The following ZNF385B variants were observed in gnomAD, a reference collection of about 807,000 sequenced individuals.
ZNF385B encodes the protein zinc finger protein 385B, also known as zinc finger protein 533.
Under a neutral mutation model 39.2 loss-of-function variants are expected in ZNF385B, and 23 were observed. The ratio of observed to expected loss-of-function variants is 0.59; its 90% confidence interval spans 0.42 to 0.83. The LOEUF is 0.83. Ranked by LOEUF, ZNF385B falls within the 40% of genes least tolerant of loss-of-function variation. ZNF385B has a pLI of 0.00. For synonymous variants in ZNF385B, 205 were observed against 222.6 expected (o/e 0.92, Z 0.70); for missense variants, 552 against 598.9 (o/e 0.92, Z 0.82).
Position 179,543,227 on chromosome 2 carries a change from G to A in ZNF385B, c.441+1600C>T, listed in dbSNP as rs546957736. On this transcript the variant is annotated intron_variant, in intron 4 of 9. Transcript: ENST00000410066. ...GTGGAGGCTGCAGTGAGCCAAGATC[G>A]TGCCATTTCACTACAGCCTGGGCGA... 5.3e-5 allele frequency among the ~76,000 whole-genome samples: 8 copies of A among 152,194 alleles called. No individual in the cohort carries two copies. The East Asian group carries it at 9.7e-4, about 18-fold the overall frequency.
chr2:179,820,150 A>AT, intron 1 of ZNF385B, among the ~76,000 whole-genome samples: 1 of 152,074 alleles, frequency 6.6e-6, no homozygotes. Flanking sequence ...AGTGGTAAGA[A>AT]TTTTTTAAAA....
chr2:179,624,981 AG>A (rs1690532519), intron 3 of ZNF385B, among the ~76,000 whole-genome samples: 2 of 152,134 alleles, frequency 1.3e-5, no homozygotes, highest in South Asian at 4.1e-4. Context: ...AAGTGATATT[AG>A]AATAGGCAAA....
At chr2:179,702,502 G>C (rs1369414390) in intron 3 of ZNF385B, among the ~76,000 whole-genome samples, 1 of 152,154 alleles carries the variant, frequency 6.6e-6, no homozygotes, top group Admixed American at 6.5e-5. Flanking sequence ...TGCTAAACAA[G>C]TGCAGTTACA....
intron 3 of ZNF385B, among the ~76,000 whole-genome samples, chr2:179,599,290 C>G (rs1688232446): frequency 6.6e-6 from 1 of 152,088 alleles, no homozygotes; most frequent in African/African-American, 2.4e-5. Context: ...AATCACAGTT[C>G]TATACAACTT....
intron 6 of ZNF385B, among the ~76,000 whole-genome samples, chr2:179,465,405 C>A (rs2051879766): frequency 6.6e-6 from 1 of 152,148 alleles, no homozygotes; most frequent in Admixed American, 6.6e-5. Flanking sequence ...CCCTTTTCCA[C>A]CAATACTCTA....
intron 3 of ZNF385B, among the ~76,000 whole-genome samples, chr2:179,639,963 C>T (rs1054392416): frequency 1.1e-4 from 16 of 152,284 alleles, no homozygotes; most frequent in African/African-American, 3.8e-4. Context: ...ACAGCATTAC[C>T]TGTGCAGATA....
intron 3 of ZNF385B, among the ~76,000 whole-genome samples, chr2:179,567,337 G>T (rs562206999): frequency 7.9e-4 from 121 of 152,248 alleles, no homozygotes; most frequent in Non-Finnish European, 1.2e-3. Context: ...TCTGTGGGGG[G>T]AAAAACAAAC....
chr2:179,445,894 G>GA (rs147542648), intron 7 of ZNF385B, among the ~76,000 whole-genome samples, 166 bp from the exon 8 acceptor site: 5,022 of 152,050 alleles, frequency 0.033, 112 homozygotes, highest in Middle Eastern at 0.068. Context: ...GTAAAAAATG[G>GA]AAAAATGTAA....
chr2:179,814,496 G>A (rs1400985066), intron 1 of ZNF385B: 1 of 640,968 alleles, frequency 1.6e-6, no homozygotes, highest in African/African-American at 1.9e-5. Flanking sequence ...GCACTATCAT[G>A]TTTTTCTTCA....
At chr2:179,697,320 T>C (rs1251237523) in intron 3 of ZNF385B, among the ~76,000 whole-genome samples, 2 of 152,162 alleles carry the variant, frequency 1.3e-5, no homozygotes, top group Non-Finnish European at 2.9e-5. Context: ...GCGGGCTGTC[T>C]CCCCACTGCT....
At chr2:179,699,800 G>A (rs1699041810) in intron 3 of ZNF385B, among the ~76,000 whole-genome samples, 1 of 152,218 alleles carries the variant, frequency 6.6e-6, no homozygotes, top group African/African-American at 2.4e-5. Context: ...TTTGTGAGTA[G>A]ATGAATACCA....
At chr2:179,466,961 A>T (rs2203737) in intron 6 of ZNF385B, among the ~76,000 whole-genome samples, 36,474 of 135,712 alleles carry the variant, frequency 0.27, 5,036 homozygotes, top group East Asian at 0.47. Context: ...GAGAAAGGGA[A>T]GGGAAGGGAA....
At chr2:179,448,621 C>G (rs2105561146) in intron 6 of ZNF385B, among the ~76,000 whole-genome samples, 1 of 152,170 alleles carries the variant, frequency 6.6e-6, no homozygotes, top group Middle Eastern at 3.4e-3. Flanking sequence ...TCACAGAAAA[C>G]TTGTGAAATA....
At chr2:179,546,174 T>C (rs2060218595) in intron 3 of ZNF385B, among the ~76,000 whole-genome samples, 1 of 152,132 alleles carries the variant, frequency 6.6e-6, no homozygotes, top group African/African-American at 2.4e-5. Flanking sequence ...TAGCTGGGAC[T>C]ACAGGTACAT....
intron 1 of ZNF385B, among the ~76,000 whole-genome samples, chr2:179,825,416 G>T (rs1478737782): frequency 6.6e-6 from 1 of 152,092 alleles, no homozygotes; most frequent in Admixed American, 6.5e-5. Context: ...AATACTTGGT[G>T]GTTTTGAGCA....
At chr2:179,620,087 C>G (rs1377264370) in intron 3 of ZNF385B, among the ~76,000 whole-genome samples, 32 of 152,168 alleles carry the variant, frequency 2.1e-4, no homozygotes, top group Admixed American at 2.1e-3. Context: ...CAAGGCTAGC[C>G]ACAGACCCTT....
intron 4 of ZNF385B, among the ~76,000 whole-genome samples, chr2:179,526,036 ATT>A (rs3054031): frequency 0.13 from 16,872 of 128,930 alleles, 1,354 homozygotes; most frequent in East Asian, 0.37. Context: ...TTAACCACAG[ATT>A]TTTTTTTTTT....
chr2:179,692,436 T>G (rs1464679863), intron 3 of ZNF385B, among the ~76,000 whole-genome samples: 1 of 152,166 alleles, frequency 6.6e-6, no homozygotes, highest in Non-Finnish European at 1.5e-5. Context: ...AAACTAGCTG[T>G]TCATTACTGC....
intron 3 of ZNF385B, among the ~76,000 whole-genome samples, chr2:179,595,806 G>A (rs906331786): frequency 6.7e-6 from 1 of 148,940 alleles, no homozygotes; most frequent in Non-Finnish European, 1.5e-5. Context: ...GCACCATTGC[G>A]CTCCGCACTC....
Sources: gnomAD v4.1 joint callset for allele counts (sites outside exome capture counted in the v4.1 genomes callset) on GRCh38, gnomAD v4.1.1 for gene constraint, MANE v1.5 for transcripts, NCBI Gene and HGNC (gene_info 2026-07-23, HGNC 2026-07-21) for gene names.